Variants in SEC23IP observed in about 807,000 individuals in gnomAD.
SEC23IP encodes the protein SEC23 interacting protein, also known as SEC23-interacting protein.
SEC23IP carries 70 observed loss-of-function variants against 113.4 expected under a neutral mutation model. The ratio of observed to expected loss-of-function variants is 0.62; its 90% CI spans 0.51 to 0.75. The LOEUF (loss-of-function observed/expected upper bound fraction) is 0.75. Ranked by LOEUF, SEC23IP falls within the 30% of genes least tolerant of loss-of-function variation. The pLI, the probability that SEC23IP is intolerant of heterozygous loss-of-function variation, is 0.00. For synonymous variants in SEC23IP, 398 were observed against 421.0 expected, an observed-to-expected ratio of 0.95 and a Z score of 0.67; for missense variants, 1,160 against 1,204.9, an observed-to-expected ratio of 0.96 and a Z score of 0.55.
chr10:119,898,370 G>C, intron 1 of SEC23IP, 57 bp from the exon 2 acceptor site: 1 of 1,492,594 alleles, frequency 6.7e-7, no homozygotes, highest in South Asian at 1.5e-5. Context: ...TTATAGAATC[G>C]TATCTGCGGA....
At position 119,896,762 on chromosome 10, in the gene SEC23IP, A is replaced by G. The variant is rs61062127; in HGVS notation, c.164-1665A>G. On this transcript the variant is annotated intron_variant, in intron 1 of 18. Transcript: ENST00000369075. Reference sequence around the variant, plus strand: ...TGACCTCAAGTTTTTCTAAAGGATGAAAGATACCACTGAGTTTTTTTTTTT... The same window carrying G: ...TGACCTCAAGTTTTTCTAAAGGATGGAAGATACCACTGAGTTTTTTTTTTT... 2.3e-3 allele frequency among the ~76,000 whole-genome samples: 349 copies of G among 151,842 alleles called. 3 individuals carry two copies. The East Asian group carries it at 0.039, about 17-fold the overall frequency.
intron 8 of SEC23IP, 114 bp from the exon 9 acceptor site, chr10:119,917,722 A>T (rs1444361287): frequency 2.8e-6 from 2 of 711,532 alleles, no homozygotes; most frequent in East Asian, 5.4e-5. Flanking sequence ...AACAACTCAT[A>T]GTCTGTGGGG....
chr10:119,913,343 G>A (rs1200625439), intron 6 of SEC23IP, among the ~76,000 whole-genome samples: 2 of 152,208 alleles, frequency 1.3e-5, no homozygotes, highest in African/African-American at 4.8e-5. Context: ...CCTCTGGTGC[G>A]GGGATTGCAG....
chr10:119,906,283 GA>G (rs59914110), intron 4 of SEC23IP, among the ~76,000 whole-genome samples: 73,587 of 114,656 alleles, frequency 0.64, 22,063 homozygotes, highest in African/African-American at 0.75. Flanking sequence ...CCTTGTCTCA[GA>G]AAAAAAAAAA....
chr10:119,900,628 T>C (rs1854458106), intron 2 of SEC23IP, among the ~76,000 whole-genome samples: 1 of 152,166 alleles, frequency 6.6e-6, no homozygotes, highest in Non-Finnish European at 1.5e-5. Context: ...GGTCTCACTC[T>C]GTTGTCCAGG....
In SEC23IP at chr10:119,926,197, T is replaced by G; in HGVS notation, c.2283T>G (p.Asn761Lys). The change falls in exon 13 of 19, where the codon AAT becomes AAG. Residue 761 changes from asparagine (N) to lysine (K), a missense_variant. Transcript: ENST00000369075. ...VGACVSSVCV[N>K]YESFEVGAGQ... is the part of the protein sequence containing the mutation. ...CTTGCGTGTCTTCTGTGTGTGTGAA[T>G]TATGAATCTTTTGAAGTTGGCGCCG... 6.2e-7 allele frequency: 1 copy of G among 1,614,140 alleles called. No individual in the cohort carries two copies. The highest frequency in any genetic ancestry group is 8.5e-7 in the Non-Finnish European group (1 of 1,179,988).
At position 119,915,795 on chromosome 10, in the gene SEC23IP, A is replaced by G; in HGVS notation, c.1450A>G (p.Lys484Glu). The G allele has an allele frequency of 6.2e-7, 1 of 1,603,470 alleles. No individual in the cohort carries two copies. The highest frequency in any genetic ancestry group is 8.5e-7 in the Non-Finnish European group (1 of 1,174,496). Residue 484 changes from lysine to glutamate, a missense_variant, in exon 8 of 19, where the codon AAG (lysine) becomes GAG (glutamate). Physicochemically the swap from Lys to Glu is moderately conservative, Grantham distance 56. Transcript: ENST00000369075. ...TCTCAAATTGCTGCGGACACATTTC[A>G]AGAAATCTTTAGATGACGGGAAAGT... Reference protein sequence around the residue: ...VSLKLLRTHFKKSLDDGKVSR... With the variant: ...VSLKLLRTHFEKSLDDGKVSR...
At chr10:119,927,081 G>C (rs1855447146) in intron 13 of SEC23IP, among the ~76,000 whole-genome samples, 1 of 152,044 alleles carries the variant, frequency 6.6e-6, no homozygotes, top group African/African-American at 2.4e-5. Flanking sequence ...TTCATTTTTT[G>C]TAGAGACAGT....
chr10:119,919,015 CG>C, intron 10 of SEC23IP, among the ~76,000 whole-genome samples: 1 of 131,770 alleles, frequency 7.6e-6, no homozygotes, highest in Non-Finnish European at 1.6e-5. Context: ...TTTTTTGAGG[CG>C]GAGTTTCACT....
In SEC23IP at chr10:119,922,076, G is replaced by A. The variant is rs1056557522; in HGVS notation, c.2121+1092G>A. Among the ~76,000 whole-genome samples the A allele has an allele frequency of 3.9e-5, 6 of 152,184 alleles. No individual in the cohort carries two copies. In the Middle Eastern group the frequency reaches 0.01, roughly 259 times the overall value. ...AACCAAGAGTGTGCTGTCTAGTTGC[G>A]GGGAGCACGTTGAGCTCAAATGACA... On this transcript the variant is annotated intron_variant, in intron 12 of 18. Coordinates refer to ENST00000369075, the MANE Select transcript of SEC23IP (RefSeq NM_007190.4).
At chr10:119,893,079 G>A in intron 1 of SEC23IP, 134 bp downstream of exon 1, 1 of 947,838 alleles carries the variant, frequency 1.1e-6, no homozygotes, top group Non-Finnish European at 1.5e-6. Flanking sequence ...TACTGGCCAG[G>A]TTTGAGTGGG....
At chr10:119,936,578 T>G (rs1855793285) in intron 18 of SEC23IP, among the ~76,000 whole-genome samples, 1 of 145,288 alleles carries the variant, frequency 6.9e-6, no homozygotes, top group Admixed American at 6.8e-5. Context: ...TTTTGATCCC[T>G]ACATTTTGCT....
intron 12 of SEC23IP, 128 bp from the exon 13 acceptor site, chr10:119,925,908 C>A: frequency 2.6e-6 from 2 of 763,846 alleles, no homozygotes. Context: ...TTAAAGTAAT[C>A]ACAATGTTGT....
chr10:119,916,434 C>T (rs1855055530), intron 8 of SEC23IP, among the ~76,000 whole-genome samples: 1 of 152,158 alleles, frequency 6.6e-6, no homozygotes, highest in African/African-American at 2.4e-5. Flanking sequence ...TGAATGCTCC[C>T]AATTGAGAAT....
chr10:119,921,791 G>T (rs747171372), intron 12 of SEC23IP, among the ~76,000 whole-genome samples: 1 of 152,088 alleles, frequency 6.6e-6, no homozygotes, highest in Non-Finnish European at 1.5e-5. Context: ...GACTCTTAGG[G>T]TGGCCGTCTT....
At chr10:119,903,077 G>C (rs1854550605) in intron 3 of SEC23IP, 68 bp downstream of exon 3, 2 of 1,302,966 alleles carry the variant, frequency 1.5e-6, no homozygotes, top group African/African-American at 2.9e-5. Context: ...ATTTATTCAT[G>C]ATCTATTTTC....
chr10:119,899,110 A>G, intron 2 of SEC23IP, 151 bp downstream of exon 2: 2 of 712,124 alleles, frequency 2.8e-6, no homozygotes, highest in Non-Finnish European at 4.5e-6. Flanking sequence ...TGAAGTAAAC[A>G]TTGTCTTAAA....
chr10:119,912,751 T>C (rs1854908821), intron 6 of SEC23IP, among the ~76,000 whole-genome samples: 1 of 151,332 alleles, frequency 6.6e-6, no homozygotes, highest in Non-Finnish European at 1.5e-5. Context: ...TGCGATTCTC[T>C]TGCCTCAGCC....
intron 4 of SEC23IP, among the ~76,000 whole-genome samples, chr10:119,908,464 A>G (rs1854751941): frequency 6.6e-6 from 1 of 152,158 alleles, no homozygotes; most frequent in East Asian, 1.9e-4. Flanking sequence ...GTCATTGCAG[A>G]TGTAATTAGT....
Sources: allele counts gnomAD v4.1 joint callset (sites outside exome capture counted in the v4.1 genomes callset), GRCh38; gene constraint gnomAD v4.1.1; transcripts MANE v1.5; gene names NCBI Gene and HGNC (gene_info 2026-07-23, HGNC 2026-07-21).